Variants in VCF1 observed in about 807,000 individuals in gnomAD.
VCF1 encodes protein VCF1.
At chr17:73,221,045 C>T in the VCF1 span, among the ~76,000 whole-genome samples, 2 of 149,880 alleles carry the variant, frequency 1.3e-5, no homozygotes, top group Non-Finnish European at 3.0e-5. Context: ...ATTACAGGTA[C>T]GCGCCACCAC....
chr17:73,230,207 G>C, the VCF1 span, among the ~76,000 whole-genome samples: 1 of 151,650 alleles, frequency 6.6e-6, no homozygotes. Flanking sequence ...GACGTGGGAG[G>C]ATCACCTGAG....
chr17:73,212,534 G>T, the VCF1 span: 5 of 552,830 alleles, frequency 9.0e-6, no homozygotes, highest in African/African-American at 9.8e-5. Flanking sequence ...TTTACTTAGA[G>T]GCTTAAGAAG....
At chr17:73,224,286 C>T in the VCF1 span, among the ~76,000 whole-genome samples, 1 of 99,308 alleles carries the variant, frequency 1.0e-5, no homozygotes, top group African/African-American at 3.6e-5. Flanking sequence ...AAAAAAAAAA[C>T]CTTAAAAAAT....
chr17:73,232,129 T>C, the VCF1 span: 23 of 1,609,936 alleles, frequency 1.4e-5, no homozygotes, highest in East Asian at 4.0e-4. Flanking sequence ...GGATGGAAGC[T>C]ACGCGGCGCC....
chr17:73,229,394 A>G, the VCF1 span: 22 of 985,316 alleles, frequency 2.2e-5, no homozygotes, highest in Non-Finnish European at 1.7e-5. Context: ...AATGCCACAG[A>G]CCAGGTTATG....
the VCF1 span, chr17:73,212,876 G>A: frequency 2.1e-5 from 11 of 517,384 alleles, no homozygotes; most frequent in African/African-American, 2.2e-4. Context: ...AACAGATTAG[G>A]GAAGATTTCT....
chr17:73,210,211 G>A, the VCF1 span, among the ~76,000 whole-genome samples: 1 of 152,158 alleles, frequency 6.6e-6, no homozygotes, highest in Non-Finnish European at 1.5e-5. Context: ...TGGCTTCTGG[G>A]TATAAGCGAA....
the VCF1 span, among the ~76,000 whole-genome samples, chr17:73,213,974 GA>G: frequency 2.0e-5 from 3 of 150,202 alleles, no homozygotes; most frequent in African/African-American, 7.3e-5. Flanking sequence ...TGTTTCAAAA[GA>G]AAAAAAAAGA....
the VCF1 span, among the ~76,000 whole-genome samples, chr17:73,216,970 C>T: frequency 2.0e-5 from 3 of 152,178 alleles, no homozygotes; most frequent in Non-Finnish European, 4.4e-5. Flanking sequence ...AATCACTAAG[C>T]CATTCCACTT....
chr17:73,232,049 C>A, the VCF1 span: 2 of 1,548,454 alleles, frequency 1.3e-6, no homozygotes, highest in East Asian at 2.4e-5. Flanking sequence ...CCCAGATCCT[C>A]AGGCGACGAA....
the VCF1 span, chr17:73,227,229 T>C: frequency 4.4e-6 from 7 of 1,582,336 alleles, no homozygotes; most frequent in African/African-American, 1.4e-5. Flanking sequence ...GGGGGGAAGA[T>C]GGTTGTCTTC....
chr17:73,224,787 G>A, the VCF1 span, among the ~76,000 whole-genome samples: 1 of 152,156 alleles, frequency 6.6e-6, no homozygotes, highest in East Asian at 1.9e-4. Context: ...ACTTGTCCTT[G>A]TTACTTGTTA....
At chr17:73,218,519 G>C in the VCF1 span, among the ~76,000 whole-genome samples, 1 of 152,028 alleles carries the variant, frequency 6.6e-6, no homozygotes, top group East Asian at 1.9e-4. Flanking sequence ...AAAAAATAAG[G>C]CCCAGCAGTA....
At chr17:73,215,008 GA>G in the VCF1 span, among the ~76,000 whole-genome samples, 2 of 152,162 alleles carry the variant, frequency 1.3e-5, no homozygotes, top group African/African-American at 4.8e-5. Flanking sequence ...CTATTTTCAT[GA>G]CACAATCCAA....
the VCF1 span, among the ~76,000 whole-genome samples, chr17:73,217,967 A>G: frequency 6.6e-6 from 1 of 152,194 alleles, no homozygotes; most frequent in African/African-American, 2.4e-5. Flanking sequence ...GCGAGACTCT[A>G]CCTCCAAAAA....
the VCF1 span, among the ~76,000 whole-genome samples, chr17:73,216,095 G>C: frequency 1.3e-5 from 2 of 152,102 alleles, no homozygotes; most frequent in African/African-American, 4.8e-5. Context: ...CTATACTTAC[G>C]AGTGGGGATC....
At chr17:73,222,789 A>AAG in the VCF1 span, among the ~76,000 whole-genome samples, 3 of 106,120 alleles carry the variant, frequency 2.8e-5, no homozygotes, top group African/African-American at 1.0e-4. Flanking sequence ...AAAAAAAAAA[A>AAG]AAGAAAAAAA....
the VCF1 span, among the ~76,000 whole-genome samples, chr17:73,221,942 G>C: frequency 6.7e-6 from 1 of 149,222 alleles, no homozygotes; most frequent in Non-Finnish European, 1.5e-5. Flanking sequence ...GCTGAGGCAG[G>C]AGAATTGCTT....
chr17:73,224,935 C>CAGCACAGCACAGCACAGCACAGGACAGG, the VCF1 span, among the ~76,000 whole-genome samples: 3 of 117,038 alleles, frequency 2.6e-5, no homozygotes, highest in African/African-American at 1.2e-4. Context: ...GACAGGACAG[C>CAGCACAGCACAGCACAGCACAGGACAGG]ACAGCACAGC....
Sources: allele counts gnomAD v4.1 joint callset (sites outside exome capture counted in the v4.1 genomes callset), GRCh38; gene constraint gnomAD v4.1.1; transcripts MANE v1.5; gene names NCBI Gene and HGNC (gene_info 2026-07-23, HGNC 2026-07-21).